Variants in SIM2 observed in about 807,000 individuals in gnomAD.
The protein encoded by SIM2 is SIM bHLH transcription factor 2, also known as single-minded homolog 2.
In SIM2, 28 loss-of-function variants were observed where a neutral mutation model predicts 64.8. The ratio of observed to expected loss-of-function variants is 0.43; its 90% confidence interval spans 0.32 to 0.59. The LOEUF (loss-of-function observed/expected upper bound fraction) is 0.59, where lower values mean the gene tolerates loss of function less well. Among genes scored for constraint, SIM2 ranks in the 20% least tolerant of loss-of-function variants. SIM2 has a pLI of 0.07. For missense variants in SIM2, 847 were observed against 871.4 expected (o/e 0.97, Z 0.35); for synonymous variants, 408 against 391.1 (o/e 1.04, Z -0.51).
Position 36,747,425 on chromosome 21 carries a change from G to T in SIM2, c.1577-240G>T. 6.6e-6 allele frequency among the ~76,000 whole-genome samples: 1 copy of T among 152,056 alleles called. No homozygotes were observed. Among genetic ancestry groups the T allele is most frequent in the East Asian group, 1.9e-4 (1 of 5,184 alleles). ...AGTATTTTGGATATGCTGCATTAAC[G>T]TGTATTACTTAACAGGCATTCCACC... On this transcript the variant is annotated intron_variant, in intron 10 of 10. Transcript: ENST00000290399. This position sits in a 1 kb window ranked among gnomAD's most constrained non-coding sequence, Gnocchi z 4.5.
At chr21:36,719,674 G>C (rs1601695103) in intron 3 of SIM2, 147 bp from the exon 4 acceptor site, 3 of 619,698 alleles carry the variant, frequency 4.8e-6, no homozygotes, top group East Asian at 2.7e-5. Flanking sequence ...AAAGAAAACT[G>C]TTTCTGCGTT....
In SIM2 at chr21:36,745,599, T is replaced by G; in HGVS notation, c.1576+463T>G. 8.9e-7 allele frequency: 1 copy of G among 1,122,382 alleles called. No homozygotes were observed. The allele number at this position is 1,122,382 out of a possible 1,614,324, so 69.5% of individuals were successfully genotyped here. ...TGGGGAAAACTATGGTGGAAATTTG[T>G]GGGCTTGGGGACAGAAATGCCACTC... On this transcript the variant is annotated intron_variant, in intron 10 of 10. Coordinates refer to ENST00000290399, the MANE Select transcript of SIM2 (RefSeq NM_005069.6). The surrounding 1 kb of genome is among the most constrained non-coding windows in gnomAD (Gnocchi z 4.8).
At chr21:36,715,343 A>ACCCAACTGG (rs1450223246) in intron 3 of SIM2, among the ~76,000 whole-genome samples, 1 of 152,192 alleles carries the variant, frequency 6.6e-6, no homozygotes, top group Non-Finnish European at 1.5e-5. Context: ...GATGTCAAAT[A>ACCCAACTGG]CCCAACTGGT....
At chr21:36,742,323 A>G (rs2089172543) in intron 8 of SIM2, among the ~76,000 whole-genome samples, 1 of 152,086 alleles carries the variant, frequency 6.6e-6, no homozygotes, top group Admixed American at 6.5e-5. Context: ...GTCTTCTTAT[A>G]GAGCCTGTTA....
chr21:36,730,263 G>A (rs770591000), intron 6 of SIM2, among the ~76,000 whole-genome samples: 8 of 152,150 alleles, frequency 5.3e-5, no homozygotes, highest in Non-Finnish European at 8.8e-5. Flanking sequence ...AACCAAATGT[G>A]GTGTCTACAT....
chr21:36,735,802 C>T (rs1349202309), intron 7 of SIM2, among the ~76,000 whole-genome samples: 1 of 152,178 alleles, frequency 6.6e-6, no homozygotes, highest in Admixed American at 6.5e-5. Flanking sequence ...ATTATAGCTG[C>T]AGAGGCCGAC....
intron 10 of SIM2, chr21:36,746,113 T>G: frequency 2.1e-6 from 1 of 481,322 alleles, no homozygotes; most frequent in Non-Finnish European, 2.9e-6. Flanking sequence ...GTCAGGAGTT[T>G]GCGACAAGCC....
At position 36,744,708 on chromosome 21, in the gene SIM2, C is replaced by G. The variant is rs1012604708; in HGVS notation, c.1168-20C>G. ...TGCCGGCCCCTCGCTGGCCCTTCAT[C>G]CATCTTCTTTGCCATGCAGCAATAC... On this transcript the variant is annotated intron_variant, in intron 9 of 10. Transcript: ENST00000290399. 5.2e-5 allele frequency: 82 copies of G among 1,566,446 alleles called. No homozygotes were observed. Among genetic ancestry groups the G allele is most frequent in the Middle Eastern group, 1.7e-4 (1 of 5,992 alleles).
intron 4 of SIM2, among the ~76,000 whole-genome samples, chr21:36,721,230 C>A (rs1044402033): frequency 2.0e-5 from 3 of 152,072 alleles, no homozygotes; most frequent in African/African-American, 7.2e-5. Flanking sequence ...AGGTCTGATT[C>A]TTGGATATGA....
chr21:36,712,548 G>C lies in SIM2; in HGVS notation c.274G>C (p.Val92Leu). Residue 92 changes from valine (V) to leucine (L), a missense_variant, in exon 3 of 11, where the codon GTT (valine) becomes CTT (leucine). Coordinates refer to ENST00000290399, the MANE Select transcript of SIM2 (RefSeq NM_005069.6). ...TCTTTTACAGACTTTGGATGGATTT[G>C]TTTTTGTGGTAGCATCTGATGGCAA... The part of the protein sequence containing the change: ...SHLLQTLDGF[V>L]FVVASDGKIM... The C allele has an allele frequency of 6.2e-7, 1 of 1,611,914 alleles. No homozygotes were observed. Among genetic ancestry groups the C allele is most frequent in the Non-Finnish European group, 8.5e-7 (1 of 1,178,132 alleles).
At chr21:36,725,266 C>T (rs569651389) in intron 5 of SIM2, among the ~76,000 whole-genome samples, 1 of 152,258 alleles carries the variant, frequency 6.6e-6, no homozygotes, top group South Asian at 2.1e-4. Context: ...GGGAGGATCA[C>T]TTGAGCCTGG....
At chr21:36,721,499 G>C (rs1214469556) in intron 4 of SIM2, among the ~76,000 whole-genome samples, 2 of 152,126 alleles carry the variant, frequency 1.3e-5, no homozygotes, top group Admixed American at 1.3e-4. Context: ...GAGTGCAGTG[G>C]TGTGATCTCG....
intron 7 of SIM2, among the ~76,000 whole-genome samples, chr21:36,738,334 G>A (rs2089103547): frequency 1.3e-5 from 2 of 152,212 alleles, no homozygotes; most frequent in African/African-American, 2.4e-5. Context: ...GTGAAACCCC[G>A]TCTCTACTAA....
rs1034493982 is a variant in SIM2, at chr21:36,727,281, C to T, written c.743+963C>T. 3.3e-5 allele frequency among the ~76,000 whole-genome samples: 5 copies of T among 152,080 alleles called. No homozygotes were observed. In the South Asian group the frequency reaches 6.2e-4, roughly 19 times the overall value. Reference sequence around the variant, plus strand: ...AACTCCTGACCTCAGGTGATCCGCCCGCCTCAGCCTCCCAAAGTGCTGGGA... The same window carrying T: ...AACTCCTGACCTCAGGTGATCCGCCTGCCTCAGCCTCCCAAAGTGCTGGGA... On this transcript the variant is annotated intron_variant, in intron 6 of 10. Transcript: ENST00000290399.
chr21:36,732,431 C>T (rs1458050924), intron 7 of SIM2, among the ~76,000 whole-genome samples: 2 of 152,200 alleles, frequency 1.3e-5, no homozygotes, highest in South Asian at 2.1e-4. Flanking sequence ...AGGGGGACGG[C>T]AGGCCCGCAG....
intron 3 of SIM2, among the ~76,000 whole-genome samples, chr21:36,715,857 A>T (rs1388686637): frequency 2.6e-5 from 4 of 152,198 alleles, no homozygotes; most frequent in Non-Finnish European, 5.9e-5. Flanking sequence ...CCTTATTTGA[A>T]CAAGTGTTGA....
chr21:36,731,831 G>A (rs576839521), intron 7 of SIM2, among the ~76,000 whole-genome samples: 2 of 152,144 alleles, frequency 1.3e-5, no homozygotes, highest in African/African-American at 4.8e-5. Flanking sequence ...GGATGCTCTA[G>A]TCACTGAAAT....
At chr21:36,709,085 C>A in intron 1 of SIM2, 83 bp from the exon 2 acceptor site, 1 of 1,239,442 alleles carries the variant, frequency 8.1e-7, no homozygotes, top group Non-Finnish European at 1.1e-6. Flanking sequence ...TGGCAGGGTG[C>A]AGGGGTTCCG....
chr21:36,737,982 A>AAAAAAAAAAAC (rs2089095780), intron 7 of SIM2, among the ~76,000 whole-genome samples: 1 of 88,790 alleles, frequency 1.1e-5, no homozygotes, highest in African/African-American at 3.4e-5. Context: ...AAAAAAAAAA[A>AAAAAAAAAAAC]GCAAAAAAAA....
Sources: allele counts gnomAD v4.1 joint callset (sites outside exome capture counted in the v4.1 genomes callset), GRCh38; gene constraint gnomAD v4.1.1; non-coding constraint Gnocchi (gnomAD v3.1); transcripts MANE v1.5; gene names NCBI Gene and HGNC (gene_info 2026-07-23, HGNC 2026-07-21).